Variants in MTOR observed in about 807,000 individuals in gnomAD.
MTOR encodes the protein mechanistic target of rapamycin kinase.
In MTOR, 70 loss-of-function variants were observed where a neutral mutation model predicts 319.8. The observed-to-expected ratio is 0.22, with a 90% confidence interval of 0.18 to 0.27. The LOEUF (loss-of-function observed/expected upper bound fraction) is 0.27, where lower values mean the gene tolerates loss of function less well. MTOR is among the 10% of genes least tolerant of loss of function. The probability of loss-of-function intolerance (pLI) is 1.00; values close to 1 mark genes in which losing one functional copy is unlikely to be tolerated. For missense variants in MTOR, 1,890 were observed against 3,274.4 expected, an observed-to-expected ratio of 0.58 and a Z score of 10.32; for synonymous variants, 1,183 against 1,211.4, an observed-to-expected ratio of 0.98 and a Z score of 0.49.
Position 11,109,650 on chromosome 1 carries a change from G to A in MTOR, c.7446C>T (p.Phe2482=). 8 of 1,614,004 alleles carry A rather than the reference G, an allele frequency of 5.0e-6. No homozygotes were observed. Among genetic ancestry groups the A allele is most frequent in the Non-Finnish European group, 6.8e-6 (8 of 1,179,904 alleles). The change falls in exon 55 of 58, where the codon TTC becomes TTT. Residue 2482 remains phenylalanine, a splice_region_variant and synonymous_variant. Transcript: ENST00000361445. This position sits in a 1 kb window ranked among gnomAD's most constrained non-coding sequence, Gnocchi z 4.0. Reference sequence around the variant, plus strand: ...CGGTTCCTCAGAGGCTGAACTTACTGAAAGAATGAATAGATTCTGGCACTG... The same window carrying A: ...CGGTTCCTCAGAGGCTGAACTTACTAAAAGAATGAATAGATTCTGGCACTG... The part of the protein sequence containing the change: ...GTTVPESIHS[F]IGDGLVKPEA...
chr1:11,202,857 G>A (rs1407512753), intron 26 of MTOR, among the ~76,000 whole-genome samples: 4 of 151,726 alleles, frequency 2.6e-5, no homozygotes, highest in African/African-American at 7.3e-5. Context: ...GCAGTGAGCC[G>A]AGATCGTCCC....
At chr1:11,154,958 A>G (rs775926429) in intron 30 of MTOR, among the ~76,000 whole-genome samples, 25 of 152,158 alleles carry the variant, frequency 1.6e-4, no homozygotes, top group Non-Finnish European at 8.8e-5. Context: ...ACCAGCCTAG[A>G]CTGCACTGTG....
intron 20 of MTOR, among the ~76,000 whole-genome samples, chr1:11,215,206 C>T (rs572139231): frequency 6.6e-6 from 1 of 152,150 alleles, no homozygotes; most frequent in Non-Finnish European, 1.5e-5. Flanking sequence ...TTACTTCATC[C>T]TCCTCCCATG....
chr1:11,242,878 A>G (rs918571800), intron 9 of MTOR, among the ~76,000 whole-genome samples: 4 of 152,268 alleles, frequency 2.6e-5, no homozygotes, highest in Non-Finnish European at 5.9e-5. Flanking sequence ...CACTGAAAAT[A>G]GCATTGGCAT....
intron 47 of MTOR, among the ~76,000 whole-genome samples, chr1:11,122,901 C>A (rs575695458): frequency 6.6e-6 from 1 of 152,200 alleles, no homozygotes; most frequent in South Asian, 2.1e-4. Flanking sequence ...CACAGAAAGA[C>A]AGTGCACTGA....
chr1:11,182,394 A>G (rs1464781651), intron 28 of MTOR, among the ~76,000 whole-genome samples: 1 of 152,190 alleles, frequency 6.6e-6, no homozygotes, highest in African/African-American at 2.4e-5. Context: ...CAATACTACT[A>G]CTTGGTACAA....
chr1:11,238,071 G>C (rs751196484), intron 12 of MTOR, 23 bp from the exon 13 acceptor site: 1 of 1,611,494 alleles, frequency 6.2e-7, no homozygotes, highest in East Asian at 2.2e-5. Context: ...TGGAGCCTTT[G>C]AACATTTCCT....
At chr1:11,253,140 C>T (rs190240239) in intron 6 of MTOR, among the ~76,000 whole-genome samples, 10 of 152,266 alleles carry the variant, frequency 6.6e-5, no homozygotes, top group Middle Eastern at 3.4e-3. Flanking sequence ...TACCCTCTTG[C>T]TTACTCAGGG....
At chr1:11,226,256 G>A (rs1273114131) in intron 19 of MTOR, 2 of 151,960 alleles carry the variant, frequency 1.3e-5, no homozygotes, top group African/African-American at 2.4e-5. Flanking sequence ...GCTATCTAGT[G>A]CTCATTTTGG....
At chr1:11,187,351 G>A (rs1315686965) in intron 28 of MTOR, among the ~76,000 whole-genome samples, 2 of 152,120 alleles carry the variant, frequency 1.3e-5, no homozygotes, top group Non-Finnish European at 2.9e-5. Context: ...GGATGGTTTT[G>A]AGGTAAAACT....
chr1:11,261,970 G>A (rs987966363), intron 1 of MTOR, among the ~76,000 whole-genome samples: 1 of 152,148 alleles, frequency 6.6e-6, no homozygotes, highest in Non-Finnish European at 1.5e-5. Flanking sequence ...AGATTGGATG[G>A]GGGAAACAGG....
chr1:11,153,002 G>C (rs1644199284), intron 30 of MTOR, among the ~76,000 whole-genome samples: 1 of 152,176 alleles, frequency 6.6e-6, no homozygotes, highest in African/African-American at 2.4e-5. Flanking sequence ...ACTGAGAACG[G>C]CAACATCAGG....
At chr1:11,234,537 G>A (rs1647131171) in intron 13 of MTOR, among the ~76,000 whole-genome samples, 1 of 152,162 alleles carries the variant, frequency 6.6e-6, no homozygotes, top group Non-Finnish European at 1.5e-5. Context: ...CTCTAAAGCA[G>A]AGCTTTTAAC....
intron 6 of MTOR, among the ~76,000 whole-genome samples, chr1:11,250,742 T>A (rs968207096): frequency 1.3e-5 from 2 of 152,082 alleles, no homozygotes; most frequent in Non-Finnish European, 2.9e-5. Flanking sequence ...GCCCAACAGG[T>A]CTCTAAGTTA....
chr1:11,206,156 A>C (rs1646131126), intron 25 of MTOR, among the ~76,000 whole-genome samples: 1 of 152,264 alleles, frequency 6.6e-6, no homozygotes, highest in South Asian at 2.1e-4. Flanking sequence ...TCTGTTGAGC[A>C]CAATGGGAAC....
chr1:11,133,012 C>A lies in MTOR; in HGVS notation c.5364+68G>T. The stretch of plus-strand genomic sequence containing the variant: ...AGCTCCGCAGAAGCTCAGCTGTAAC[C>A]ACGAGCACACAGGAGGACACGAGCC... On this transcript the variant is annotated intron_variant, in intron 38 of 57. Transcript: ENST00000361445. The surrounding 1 kb of genome is among the most constrained non-coding windows in gnomAD (Gnocchi z 4.0). The A allele has an allele frequency of 7.4e-7, 1 of 1,347,106 alleles. No homozygotes were observed. 83.4% of individuals were successfully genotyped at this position (1,347,106 alleles called of 1,614,324 possible).
chr1:11,167,381 G>T, intron 29 of MTOR, 61 bp downstream of exon 29: 2 of 1,327,066 alleles, frequency 1.5e-6, no homozygotes, highest in East Asian at 2.3e-5. Context: ...GAAGGTCAGG[G>T]CCAATAACTC....
At chr1:11,201,981 A>G (rs1169388427) in intron 26 of MTOR, among the ~76,000 whole-genome samples, 2 of 151,894 alleles carry the variant, frequency 1.3e-5, no homozygotes, top group Non-Finnish European at 2.9e-5. Context: ...CTAATTTTTC[A>G]TTTTTGTAGA....
intron 18 of MTOR, 109 bp from the exon 19 acceptor site, chr1:11,229,027 T>C: frequency 7.3e-7 from 1 of 1,362,490 alleles, no homozygotes; most frequent in South Asian, 1.3e-5. Flanking sequence ...CATTCATATC[T>C]TTCTTCCTAG....
Sources: gnomAD v4.1 joint callset for allele counts (sites outside exome capture counted in the v4.1 genomes callset) on GRCh38, gnomAD v4.1.1 for gene constraint, Gnocchi (gnomAD v3.1) non-coding constraint, MANE v1.5 for transcripts, NCBI Gene and HGNC (gene_info 2026-07-23, HGNC 2026-07-21) for gene names.